The following HDAC1 variants were observed in gnomAD, a reference collection of about 807,000 sequenced individuals.
HDAC1 encodes the protein protein deacetylase HDAC1.
Under a neutral mutation model 65.5 loss-of-function variants are expected in HDAC1, and 18 were observed. The observed-to-expected ratio is 0.27, with a 90% CI of 0.19 to 0.41. HDAC1 has a LOEUF of 0.41. Among genes scored for constraint, HDAC1 ranks in the 10% least tolerant of loss-of-function variants. The pLI, the probability that HDAC1 is intolerant of heterozygous loss-of-function variation, is 1.00. For synonymous variants in HDAC1, 211 were observed against 227.9 expected (o/e 0.93, Z 0.67); for missense variants, 373 against 625.2 (o/e 0.60, Z 4.30).
At position 32,304,329 on chromosome 1, in the gene HDAC1, G is replaced by A. The variant is rs561892484; in HGVS notation, c.162+1596G>A. On this transcript the variant is annotated intron_variant, in intron 2 of 13. Transcript: ENST00000373548. ...AGGAGAAGACAGACCTTGGGACTAC[G>A]GAGCTTTTTTAGGTGTGAAGGCAGC... Among the ~76,000 whole-genome samples the A allele has an allele frequency of 3.3e-5, 5 of 152,262 alleles. No homozygotes were observed. The South Asian group carries it at 8.3e-4, about 25-fold the overall frequency.
chr1:32,331,874 T>C lies in HDAC1; in HGVS notation c.1219+68T>C. ...CAGCTCACACTTCCACCACCATTCC[T>C]GGCTGCACACTCCCTCCAAGCTCCC... On this transcript the variant is annotated intron_variant, in intron 11 of 13. Coordinates refer to ENST00000373548, the MANE Select transcript of HDAC1 (RefSeq NM_004964.3). This position sits in a 1 kb window ranked among gnomAD's most constrained non-coding sequence, Gnocchi z 4.2. The C allele has an allele frequency of 1.3e-6, 2 of 1,528,596 alleles. No individual in the cohort carries two copies. The highest frequency in any genetic ancestry group is 1.8e-6 in the Non-Finnish European group (2 of 1,132,492). The allele number at this position is 1,528,596 out of a possible 1,614,324, so 94.7% of individuals were successfully genotyped here.
chr1:32,304,547 C>T (rs551978738), intron 2 of HDAC1, among the ~76,000 whole-genome samples: 1 of 152,100 alleles, frequency 6.6e-6, no homozygotes, highest in African/African-American at 2.4e-5. Context: ...TACAGGCAGG[C>T]ACCACCATGC....
intron 2 of HDAC1, among the ~76,000 whole-genome samples, chr1:32,308,518 T>G (rs1640942856): frequency 6.6e-6 from 1 of 152,052 alleles, no homozygotes; most frequent in African/African-American, 2.4e-5. Flanking sequence ...TTTTTTTAAT[T>G]TTTATTTATT....
chr1:32,326,816 A>G, intron 4 of HDAC1, 123 bp from the exon 5 acceptor site: 1 of 960,932 alleles, frequency 1.0e-6, no homozygotes, highest in Non-Finnish European at 1.6e-6. Flanking sequence ...GGACTGGTCT[A>G]TGAATTGCAC....
chr1:32,328,882 T>C (rs1419165309), intron 6 of HDAC1, among the ~76,000 whole-genome samples, 186 bp from the exon 7 acceptor site: 2 of 152,164 alleles, frequency 1.3e-5, no homozygotes, highest in African/African-American at 2.4e-5. Flanking sequence ...CAGAGATGAT[T>C]TGCCAGTGAA....
intron 3 of HDAC1, among the ~76,000 whole-genome samples, chr1:32,321,640 C>A (rs994850823): frequency 1.3e-5 from 2 of 152,166 alleles, no homozygotes; most frequent in African/African-American, 4.8e-5. Context: ...CCATTTGCCC[C>A]CTTTCCATCT....
In HDAC1 at chr1:32,330,218, C is replaced by G. The variant is rs1277157183; in HGVS notation, c.730-360C>G. 4.1e-6 allele frequency: 1 copy of G among 242,316 alleles called. No homozygotes were observed. The highest frequency in any genetic ancestry group is 8.2e-6 in the Non-Finnish European group (1 of 122,648). 15.0% of individuals were successfully genotyped at this position (242,316 alleles called of 1,614,324 possible). A position where few individuals can be genotyped will look rare whatever the true frequency, so the allele number is the denominator to read the frequency against. ...AAAAGTGCTTGCTCATAATGTAAGG[C>G]TTCAAGTCTGTAAGACCGAATGAGT... On this transcript the variant is annotated intron_variant, in intron 7 of 13. Transcript: ENST00000373548. The surrounding 1 kb of genome is among the most constrained non-coding windows in gnomAD (Gnocchi z 4.2).
chr1:32,326,823 G>A (rs1641224044), intron 4 of HDAC1, 116 bp from the exon 5 acceptor site: 2 of 1,039,340 alleles, frequency 1.9e-6, no homozygotes, highest in Admixed American at 2.0e-5. Flanking sequence ...TCTATGAATT[G>A]CACAATACAG....
intron 4 of HDAC1, among the ~76,000 whole-genome samples, chr1:32,325,423 C>G (rs1010598310): frequency 6.6e-6 from 1 of 152,184 alleles, no homozygotes; most frequent in African/African-American, 2.4e-5. Flanking sequence ...AACACAATCA[C>G]CCACAGTCAC....
intron 1 of HDAC1, among the ~76,000 whole-genome samples, chr1:32,297,266 G>T (rs1406036798): frequency 6.6e-6 from 1 of 152,172 alleles, no homozygotes; most frequent in African/African-American, 2.4e-5. Context: ...AATGGGCTGG[G>T]CATGGTGGTT....
At chr1:32,294,818 C>CTT (rs76948947) in intron 1 of HDAC1, among the ~76,000 whole-genome samples, 7 of 139,148 alleles carry the variant, frequency 5.0e-5, no homozygotes, top group African/African-American at 1.3e-4. Context: ...CCGGCCCCAA[C>CTT]TTTTTTTTTT....
intron 2 of HDAC1, among the ~76,000 whole-genome samples, chr1:32,306,252 G>A (rs532760472): frequency 2.8e-4 from 42 of 148,860 alleles, no homozygotes; most frequent in African/African-American, 6.7e-4. Flanking sequence ...GTGCAATGGC[G>A]CGATCTTGGC....
chr1:32,328,363 G>T lies in HDAC1; in HGVS notation c.636+686G>T, dbSNP rs148716713. On this transcript the variant is annotated intron_variant, in intron 6 of 13. Coordinates refer to ENST00000373548, the MANE Select transcript of HDAC1 (RefSeq NM_004964.3). ...GTCTCTCTCTGTCACCCAGCCTGGAGTGCAGTGGCGTGATCTCGGTTCACT... is the reference window on the plus strand; with the variant it reads ...GTCTCTCTCTGTCACCCAGCCTGGATTGCAGTGGCGTGATCTCGGTTCACT... 4.7e-3 allele frequency among the ~76,000 whole-genome samples: 711 copies of T among 151,808 alleles called. 13 individuals are homozygous for T. The highest frequency in any genetic ancestry group is 0.044 in the East Asian group (228 of 5,164).
In HDAC1 at chr1:32,292,238, C is replaced by T; in HGVS notation, c.49+20C>T. 6.5e-7 allele frequency: 1 copy of T among 1,547,442 alleles called. No homozygotes were observed. The highest frequency in any genetic ancestry group is 8.7e-7 in the Non-Finnish European group (1 of 1,145,962). On this transcript the variant is annotated intron_variant, in intron 1 of 13. Transcript: ENST00000373548. ...ACGACGGTGAGCACCGTCCTCGCGG[C>T]GGGGGCGGGGCCAGGCCGGGCCGGA... is the stretch of plus-strand genomic sequence containing the variant.
chr1:32,317,968 CT>C (rs1262936202), intron 3 of HDAC1, among the ~76,000 whole-genome samples: 1 of 151,954 alleles, frequency 6.6e-6, no homozygotes, highest in Admixed American at 6.6e-5. Flanking sequence ...GCCCCTGCCA[CT>C]TTTTTTTGAG....
chr1:32,332,041 A>C (rs1265910449), intron 11 of HDAC1, 49 bp from the exon 12 acceptor site: 1 of 1,508,172 alleles, frequency 6.6e-7, no homozygotes, highest in African/African-American at 1.4e-5. Flanking sequence ...ATGCTGAGCT[A>C]AATCAGCACC....
rs944398707 is a variant in HDAC1 at position 32,329,461 on chromosome 1, T to C, written c.729+301T>C. ...CCAGTAGTCTATGATTAGTACTGTT[T>C]TTGTATCTCCATTTCTTTGGGCTGC... On this transcript the variant is annotated intron_variant, in intron 7 of 13. Coordinates refer to ENST00000373548, the MANE Select transcript of HDAC1 (RefSeq NM_004964.3). This position sits in a 1 kb window ranked among gnomAD's most constrained non-coding sequence, Gnocchi z 4.1. The C allele has an allele frequency of 9.2e-5, 45 of 489,768 alleles. 1 individual carries two copies. In the Admixed American group the frequency reaches 9.3e-4, roughly 10 times the overall value. The allele number at this position is 489,768 out of a possible 1,614,324, so 30.3% of individuals were successfully genotyped here. A position where few individuals can be genotyped will look rare whatever the true frequency, so the allele number is the denominator to read the frequency against.
rs974663527 is a variant in HDAC1, at chr1:32,308,565, C to A, written c.162+5832C>A. 5.9e-5 allele frequency among the ~76,000 whole-genome samples: 9 copies of A among 152,206 alleles called. No individual in the cohort carries two copies. In the East Asian group the frequency reaches 1.7e-3, roughly 30 times the overall value. ...ACGGAGTCTTGATCTGTCACCCAGGCTGGAGTGCAGTGGCGCAATCTCGGC... is the reference window on the plus strand; with the variant it reads ...ACGGAGTCTTGATCTGTCACCCAGGATGGAGTGCAGTGGCGCAATCTCGGC... On this transcript the variant is annotated intron_variant, in intron 2 of 13. Coordinates refer to ENST00000373548, the MANE Select transcript of HDAC1 (RefSeq NM_004964.3).
At position 32,329,183 on chromosome 1, in the gene HDAC1, T is replaced by C. The variant is rs1489858735; in HGVS notation, c.729+23T>C. ...CCGGTAAGTGGCTTTATCCACCCCT[T>C]GGGCTACAAACAGGGGATTGGTTGG... On this transcript the variant is annotated intron_variant, in intron 7 of 13. Coordinates refer to ENST00000373548, the MANE Select transcript of HDAC1 (RefSeq NM_004964.3). This position sits in a 1 kb window ranked among gnomAD's most constrained non-coding sequence, Gnocchi z 4.1. 7.0e-7 allele frequency: 1 copy of C among 1,429,670 alleles called. No homozygotes were observed. Among genetic ancestry groups the C allele is most frequent in the Non-Finnish European group, 9.9e-7 (1 of 1,011,630 alleles). 88.6% of individuals were successfully genotyped at this position (1,429,670 alleles called of 1,614,324 possible). A position where few individuals can be genotyped will look rare whatever the true frequency, so the allele number is the denominator to read the frequency against.
Sources: gnomAD v4.1 joint callset for allele counts (sites outside exome capture counted in the v4.1 genomes callset) on GRCh38, gnomAD v4.1.1 for gene constraint, Gnocchi (gnomAD v3.1) non-coding constraint, MANE v1.5 for transcripts, NCBI Gene and HGNC (gene_info 2026-07-23, HGNC 2026-07-21) for gene names.